CFAP100: variants seen among roughly 807,000 people sequenced by gnomAD.
The protein encoded by CFAP100 is cilia- and flagella-associated protein 100.
Under a neutral mutation model 81.5 loss-of-function variants are expected in CFAP100, and 70 were observed. The ratio of observed to expected loss-of-function variants is 0.86; its 90% confidence interval spans 0.71 to 1.05. The LOEUF (loss-of-function observed/expected upper bound fraction) is 1.05. CFAP100 is among the 50% of genes least tolerant of loss of function. The probability of loss-of-function intolerance (pLI) is 0.00; values close to 1 mark genes in which losing one functional copy is unlikely to be tolerated. For missense variants in CFAP100, 811 were observed against 776.5 expected (o/e 1.04, Z -0.53); for synonymous variants, 341 against 314.8 (o/e 1.08, Z -0.88).
intron 4 of CFAP100, among the ~76,000 whole-genome samples, chr3:126,415,753 G>C (rs748183793): frequency 2.0e-5 from 3 of 152,204 alleles, no homozygotes; most frequent in Non-Finnish European, 4.4e-5. Context: ...AGAGGGACAC[G>C]GGGCGGGGTC....
Position 126,407,235 on chromosome 3 carries a change from A to C in CFAP100, c.113A>C (p.Gln38Pro). 6.2e-7 allele frequency: 1 copy of C among 1,613,342 alleles called. No homozygotes were observed. Among genetic ancestry groups the C allele is most frequent in the Non-Finnish European group, 8.5e-7 (1 of 1,179,426 alleles). Residue 38 changes from glutamine to proline, a missense_variant, in exon 3 of 17, where the codon CAG (glutamine) becomes CCG (proline). Transcript: ENST00000352312. Reference sequence around the variant, plus strand: ...AGCACTGAAGAGAACCCAAAGAAACAGGCAAGAAAAAACGAAGGTAACCTT... The same window carrying C: ...AGCACTGAAGAGAACCCAAAGAAACCGGCAAGAAAAAACGAAGGTAACCTT... ...SSSTEENPKK[Q>P]ARKNEEHGPD...
chr3:126,431,186 A>G (rs977427891), intron 13 of CFAP100, among the ~76,000 whole-genome samples: 1 of 151,776 alleles, frequency 6.6e-6, no homozygotes, highest in African/African-American at 2.4e-5. Flanking sequence ...TGGTGGGTCT[A>G]CAGACAGGTG....
chr3:126,416,227 C>CCGCGTACCCGGCCTCAGGTCCG, intron 4 of CFAP100, 89 bp from the exon 5 acceptor site: 1 of 1,096,178 alleles, frequency 9.1e-7, no homozygotes, highest in Non-Finnish European at 1.3e-6. Context: ...GCGCGCAAAC[C>CCGCGTACCCGGCCTCAGGTCCG]CGCGTCCCTA....
chr3:126,434,373 G>T lies in CFAP100; in HGVS notation c.1620G>T (p.Arg540=). The change falls in exon 15 of 17, where the codon CGG becomes CGT. Residue 540 remains arginine (R), a synonymous_variant. Coordinates refer to ENST00000352312, the MANE Select transcript of CFAP100 (RefSeq NM_182628.3). ...EQAERAKEKE[R]RIRLREEKLQ... ...CCGAGAGGGCAAAGGAGAAGGAGCGGCGCATCAGGTGAGCTCTAGGCTCTC... is the reference window on the plus strand; with the variant it reads ...CCGAGAGGGCAAAGGAGAAGGAGCGTCGCATCAGGTGAGCTCTAGGCTCTC... 1 of 1,613,020 alleles carries T rather than the reference G, an allele frequency of 6.2e-7. No homozygotes were observed.
In CFAP100 at chr3:126,434,160, GC is replaced by G; in HGVS notation, c.1423-14del. 6.3e-7 allele frequency: 1 copy of G among 1,592,394 alleles called. No homozygotes were observed. The highest frequency in any genetic ancestry group is 1.1e-5 in the South Asian group (1 of 89,572). On this transcript the variant is annotated splice_polypyrimidine_tract_variant and intron_variant, in intron 14 of 16. Coordinates refer to ENST00000352312, the MANE Select transcript of CFAP100 (RefSeq NM_182628.3). ...TCCGCCTGCCAGCACCCTGCTGGAA[GC>G]CACCTCCTCCACAGGATAAGCTGCT...
At chr3:126,434,906 A>G (rs1279442820) in intron 15 of CFAP100, among the ~76,000 whole-genome samples, 1 of 152,118 alleles carries the variant, frequency 6.6e-6, no homozygotes, top group Non-Finnish European at 1.5e-5. Context: ...TTCAGCTCAG[A>G]GGGGAGTGGA....
At chr3:126,403,293 G>A (rs1391009576) in intron 2 of CFAP100, among the ~76,000 whole-genome samples, 1 of 152,018 alleles carries the variant, frequency 6.6e-6, no homozygotes, top group African/African-American at 2.4e-5. Context: ...AGAGAGAATG[G>A]CCCGGGACAC....
At chr3:126,419,197 C>T in intron 8 of CFAP100, 41 bp downstream of exon 8, 2 of 1,337,062 alleles carry the variant, frequency 1.5e-6, no homozygotes, top group Non-Finnish European at 2.1e-6. Flanking sequence ...TGGCCCACCT[C>T]CTGGTCCCTC....
chr3:126,408,712 A>T (rs1486418109), intron 3 of CFAP100, among the ~76,000 whole-genome samples: 1 of 152,092 alleles, frequency 6.6e-6, no homozygotes, highest in Admixed American at 6.5e-5. Flanking sequence ...CATGGGAGGG[A>T]GAAAGTCCTG....
intron 12 of CFAP100, 34 bp from the exon 13 acceptor site, chr3:126,423,459 C>T (rs766825044): frequency 1.2e-6 from 2 of 1,613,282 alleles, no homozygotes; most frequent in Non-Finnish European, 1.7e-6. Flanking sequence ...GGCTCTGTCC[C>T]TGTCCAGTCC....
At chr3:126,418,298 G>T in intron 5 of CFAP100, 160 bp from the exon 6 acceptor site, 1 of 627,382 alleles carries the variant, frequency 1.6e-6, no homozygotes, top group Non-Finnish European at 2.8e-6. Context: ...TTTTTGTGGA[G>T]ACAGAGGACA....
Position 126,436,446 on chromosome 3 carries a change from G to T in CFAP100, c.*42G>T. On this transcript the variant is annotated 3_prime_UTR_variant, in exon 17 of 17. Coordinates refer to ENST00000352312, the MANE Select transcript of CFAP100 (RefSeq NM_182628.3). ...CTGTTCTGGCTGAAGGCTTAGCAAA[G>T]ATGTTGGCAGAGGAAGCAGAGACTG... The T allele has an allele frequency of 6.0e-6, 9 of 1,502,922 alleles. No homozygotes were observed. Among genetic ancestry groups the T allele is most frequent in the Non-Finnish European group, 8.3e-6 (9 of 1,089,582 alleles). The allele number at this position is 1,502,922 out of a possible 1,614,324, so 93.1% of individuals were successfully genotyped here. A position where few individuals can be genotyped will look rare whatever the true frequency, so the allele number is the denominator to read the frequency against.
At chr3:126,411,885 C>A (rs946857452) in intron 3 of CFAP100, among the ~76,000 whole-genome samples, 1 of 151,910 alleles carries the variant, frequency 6.6e-6, no homozygotes, top group Non-Finnish European at 1.5e-5. Flanking sequence ...CTTTGTATTT[C>A]TTTTGTTTCA....
At chr3:126,421,433 A>G (rs1187104818) in intron 11 of CFAP100, among the ~76,000 whole-genome samples, 2 of 152,242 alleles carry the variant, frequency 1.3e-5, no homozygotes, top group Non-Finnish European at 2.9e-5. Context: ...TGCCAACATC[A>G]CAGTCACTAA....
At chr3:126,422,861 G>A (rs575474143) in intron 11 of CFAP100, among the ~76,000 whole-genome samples, 4 of 152,268 alleles carry the variant, frequency 2.6e-5, no homozygotes, top group African/African-American at 7.2e-5. Context: ...CAGCGGAGCC[G>A]CAGGTGCAGA....
chr3:126,404,309 G>A (rs974961304), intron 2 of CFAP100, among the ~76,000 whole-genome samples: 6 of 152,218 alleles, frequency 3.9e-5, no homozygotes, highest in Non-Finnish European at 1.5e-5. Flanking sequence ...CAAGCACGAA[G>A]TTGAGGAGAA....
chr3:126,418,034 TG>T, intron 5 of CFAP100: 1 of 172,416 alleles, frequency 5.8e-6, no homozygotes, highest in Non-Finnish European at 1.2e-5. Context: ...CTGCCCAGTT[TG>T]CTCGGGGGGC....
At chr3:126,410,195 C>T (rs529758280) in intron 3 of CFAP100, among the ~76,000 whole-genome samples, 39 of 151,800 alleles carry the variant, frequency 2.6e-4, no homozygotes, top group Middle Eastern at 3.5e-3. Flanking sequence ...AGCGAGACTC[C>T]GTCTCAAAAA....
At chr3:126,413,975 C>T (rs1267529396) in intron 3 of CFAP100, 110 bp from the exon 4 acceptor site, 9 of 759,902 alleles carry the variant, frequency 1.2e-5, no homozygotes, top group Non-Finnish European at 1.9e-5. Context: ...AACCTTCCCA[C>T]TCACTCATGC....
Sources: gnomAD v4.1 joint callset for allele counts (sites outside exome capture counted in the v4.1 genomes callset) on GRCh38, gnomAD v4.1.1 for gene constraint, MANE v1.5 for transcripts, NCBI Gene and HGNC (gene_info 2026-07-23, HGNC 2026-07-21) for gene names.